Variants in ZNF324B observed in about 807,000 individuals in gnomAD.
The protein encoded by ZNF324B is zinc finger protein 324B.
A neutral mutation model predicts 10.6 loss-of-function variants in ZNF324B; 7 were observed. That is an observed-to-expected ratio of 0.66 (90% CI 0.38 to 1.24). The LOEUF is 1.24. Among genes scored for constraint, ZNF324B ranks in the 50% most tolerant of loss-of-function variants. The pLI is 0.02. For missense variants in ZNF324B, 640 were observed against 764.7 expected (o/e 0.84, Z 1.92); for synonymous variants, 316 against 321.0 (o/e 0.98, Z 0.17).
chr19:58,424,646 A>C, the ZNF324B span, among the ~76,000 whole-genome samples: 1 of 152,206 alleles, frequency 6.6e-6, no homozygotes, highest in Non-Finnish European at 1.5e-5. Flanking sequence ...AAGTGTGATA[A>C]ATTTTTTTGA....
the ZNF324B span, chr19:58,433,941 G>T: frequency 3.7e-6 from 6 of 1,614,002 alleles, no homozygotes; most frequent in African/African-American, 6.7e-5. Flanking sequence ...GCTGGATGAG[G>T]GTGGAGCTAT....
chr19:58,445,860 T>G, the ZNF324B span: 2 of 209,764 alleles, frequency 9.5e-6, no homozygotes, highest in South Asian at 7.3e-5. Context: ...CACAGCTGGG[T>G]GCAGTGGCTC....
the ZNF324B span, among the ~76,000 whole-genome samples, chr19:58,428,069 C>T: frequency 6.6e-6 from 1 of 152,196 alleles, no homozygotes; most frequent in African/African-American, 2.4e-5. Flanking sequence ...AGAAGCCCTG[C>T]TGTAAACTTT....
At chr19:58,425,214 C>T in the ZNF324B span, among the ~76,000 whole-genome samples, 1 of 151,780 alleles carries the variant, frequency 6.6e-6, no homozygotes. Context: ...CGAAATTGCG[C>T]CACTGCACTC....
the ZNF324B span, among the ~76,000 whole-genome samples, chr19:58,425,933 A>G: frequency 6.6e-6 from 1 of 152,166 alleles, no homozygotes; most frequent in African/African-American, 2.4e-5. Context: ...CCACCCTCCC[A>G]TGTTGAAATC....
chr19:58,435,333 A>T, the ZNF324B span: 1 of 1,125,868 alleles, frequency 8.9e-7, no homozygotes. Flanking sequence ...TGACAGGCCA[A>T]CAGGGCCATC....
the ZNF324B span, among the ~76,000 whole-genome samples, chr19:58,431,639 A>G: frequency 2.0e-5 from 3 of 152,312 alleles, no homozygotes; most frequent in African/African-American, 4.8e-5. Flanking sequence ...GGGGAGGTCA[A>G]AGAAACAGCA....
upstream of ZNF324B, among the ~76,000 whole-genome samples, chr19:58,447,661 G>A (rs1267680634): frequency 6.6e-6 from 1 of 152,152 alleles, no homozygotes; most frequent in Admixed American, 6.5e-5. Flanking sequence ...TTGAGTACAG[G>A]AGTTCGAGAC....
the ZNF324B span, among the ~76,000 whole-genome samples, chr19:58,425,432 C>T: frequency 6.6e-6 from 1 of 151,012 alleles, no homozygotes; most frequent in Non-Finnish European, 1.5e-5. Context: ...TTCCTTCCTT[C>T]CTTCCTTCCT....
At chr19:58,426,671 G>A in the ZNF324B span, among the ~76,000 whole-genome samples, 4 of 152,212 alleles carry the variant, frequency 2.6e-5, no homozygotes, top group African/African-American at 9.6e-5. Flanking sequence ...CTAGCATGAA[G>A]GAGAGGTATA....
chr19:58,456,809 G>A lies in ZNF324B; in HGVS notation c.*230G>A, dbSNP rs2052927602. On this transcript the variant is annotated 3_prime_UTR_variant, in exon 4 of 4. Transcript: ENST00000336614. This position sits in a 1 kb window ranked among gnomAD's most constrained non-coding sequence, Gnocchi z 4.7. Reference sequence around the variant, plus strand: ...GAGGTAACACTGCAGAAACATCAGAGGGAGGACATGTCAGCTGGAACTCTG... The same window carrying A: ...GAGGTAACACTGCAGAAACATCAGAAGGAGGACATGTCAGCTGGAACTCTG... 5.0e-6 allele frequency: 3 copies of A among 601,986 alleles called. No individual in the cohort carries two copies. Among genetic ancestry groups the A allele is most frequent in the Non-Finnish European group, 8.7e-6 (3 of 344,522 alleles). The allele number at this position is 601,986 out of a possible 1,614,324, so 37.3% of individuals were successfully genotyped here.
At chr19:58,427,378 CTTT>C in the ZNF324B span, among the ~76,000 whole-genome samples, 1,264 of 42,898 alleles carry the variant, frequency 0.029, 16 homozygotes, top group South Asian at 0.035. Flanking sequence ...TTCTTTCTTT[CTTT>C]CTTTCTTTCT....
Position 58,456,330 on chromosome 19 carries a change from C to T in ZNF324B, c.1386C>T (p.Phe462=), listed in dbSNP as rs1433011239. 1.2e-5 allele frequency: 19 copies of T among 1,612,434 alleles called. No individual in the cohort carries two copies. Among genetic ancestry groups the T allele is most frequent in the Non-Finnish European group, 1.5e-5 (18 of 1,179,856 alleles). The change falls in exon 4 of 4, where the codon TTC becomes TTT. Residue 462 remains phenylalanine (F), a synonymous_variant. Coordinates refer to ENST00000336614, the MANE Select transcript of ZNF324B (RefSeq NM_207395.3). This position sits in a 1 kb window ranked among gnomAD's most constrained non-coding sequence, Gnocchi z 4.7. ...GCTGCGTGGACTGTGGCAAGGGTTT[C>T]GCCAAGGGCGCCGTGCTGCTCAGCC... ...PFRCVDCGKG[F]AKGAVLLSHR...
In ZNF324B at chr19:58,456,904, ATG is replaced by A. The variant is rs1169176029; in HGVS notation, c.*329_*330del. On this transcript the variant is annotated 3_prime_UTR_variant, in exon 4 of 4. Transcript: ENST00000336614. The surrounding 1 kb of genome is among the most constrained non-coding windows in gnomAD (Gnocchi z 4.7). ...CAGCGCTGCATGGTGGTGCTACTTC[ATG>A]TGTTATGAGAGTGGATGCTGAGGTG... is the stretch of plus-strand genomic sequence containing the variant. 1 of 420,184 alleles carries A rather than the reference ATG, an allele frequency of 2.4e-6. No individual in the cohort carries two copies. The highest frequency in any genetic ancestry group is 4.4e-6 in the Non-Finnish European group (1 of 229,210). 26.0% of individuals were successfully genotyped at this position (420,184 alleles called of 1,614,324 possible). A position where few individuals can be genotyped will look rare whatever the true frequency, so the allele number is the denominator to read the frequency against.
chr19:58,433,072 T>G, the ZNF324B span: 1 of 416,804 alleles, frequency 2.4e-6, no homozygotes, highest in East Asian at 3.3e-5. Flanking sequence ...GTTTTCCCCA[T>G]GCATGAGGAC....
the ZNF324B span, chr19:58,433,878 T>C: frequency 6.2e-7 from 1 of 1,614,136 alleles, no homozygotes; most frequent in Admixed American, 1.7e-5. Flanking sequence ...GGCTGAAGGA[T>C]TTCCTACATT....
intron 2 of ZNF324B, 134 bp downstream of exon 2, chr19:58,453,956 A>T: frequency 7.2e-7 from 1 of 1,381,556 alleles, no homozygotes; most frequent in Non-Finnish European, 9.7e-7. Flanking sequence ...CTGTAGACAC[A>T]AAGTTTGGTT....
the ZNF324B span, chr19:58,443,547 AG>A: frequency 6.6e-6 from 1 of 152,408 alleles, no homozygotes; most frequent in East Asian, 1.9e-4. Flanking sequence ...CCACAAAATG[AG>A]GACCATCATG....
chr19:58,439,037 G>A, the ZNF324B span, among the ~76,000 whole-genome samples: 1 of 152,294 alleles, frequency 6.6e-6, no homozygotes, highest in African/African-American at 2.4e-5. Context: ...GCCTCCCAAA[G>A]TGCTGGGATT....
Sources: gnomAD v4.1 joint callset for allele counts (sites outside exome capture counted in the v4.1 genomes callset) on GRCh38, gnomAD v4.1.1 for gene constraint, Gnocchi (gnomAD v3.1) non-coding constraint, MANE v1.5 for transcripts, NCBI Gene and HGNC (gene_info 2026-07-23, HGNC 2026-07-21) for gene names.